The following AMPH variants were observed in gnomAD, a reference collection of about 807,000 sequenced individuals.
The protein encoded by AMPH is amphiphysin, also known as amphiphysin (Stiff-Mann syndrome with breast cancer 128kD autoantigen).
Under a neutral mutation model 99.1 loss-of-function variants are expected in AMPH, and 49 were observed. The observed-to-expected ratio is 0.49, with a 90% CI of 0.39 to 0.63. The LOEUF (loss-of-function observed/expected upper bound fraction) is 0.63, where lower values mean the gene tolerates loss of function less well. AMPH is among the 20% of genes least tolerant of loss of function. The probability of loss-of-function intolerance (pLI) is 0.00; values close to 1 mark genes in which losing one functional copy is unlikely to be tolerated. For synonymous variants in AMPH, 314 were observed against 317.3 expected (o/e 0.99, Z 0.11); for missense variants, 759 against 863.4 (o/e 0.88, Z 1.52).
At chr7:38,456,246 A>G (rs1787227359) in intron 11 of AMPH, among the ~76,000 whole-genome samples, 1 of 152,150 alleles carries the variant, frequency 6.6e-6, no homozygotes, top group African/African-American at 2.4e-5. Context: ...CGTGTCCCAC[A>G]GCTACCTCCC....
At chr7:38,499,505 G>A (rs1045598367) in intron 3 of AMPH, among the ~76,000 whole-genome samples, 2 of 152,138 alleles carry the variant, frequency 1.3e-5, no homozygotes, top group African/African-American at 4.8e-5. Flanking sequence ...TTTAATAGAT[G>A]AGGAACCCAA....
In AMPH at chr7:38,571,161, AT is replaced by A. The variant is rs1171239030; in HGVS notation, c.70-36151del. ...TTTTTATATATTTATGAATATATAT[AT>A]TTTTATATATTTTTATATATGAATA... On this transcript the variant is annotated intron_variant, in intron 1 of 20. Transcript: ENST00000356264. 1.0e-4 allele frequency among the ~76,000 whole-genome samples: 9 copies of A among 90,054 alleles called. 1 individual carries two copies. The highest frequency in any genetic ancestry group is 3.0e-4 in the East Asian group (1 of 3,364). 59.1% of individuals were successfully genotyped at this position (90,054 alleles called of 152,430 possible).
chr7:38,403,077 C>A (rs1457944715), intron 17 of AMPH, among the ~76,000 whole-genome samples: 1 of 151,952 alleles, frequency 6.6e-6, no homozygotes, highest in East Asian at 1.9e-4. Context: ...TCCAAGATGG[C>A]TGACTGGAGA....
chr7:38,466,782 A>G (rs549345207), intron 7 of AMPH, among the ~76,000 whole-genome samples: 8 of 152,188 alleles, frequency 5.3e-5, no homozygotes, highest in Non-Finnish European at 8.8e-5. Context: ...ATAGAAGGAA[A>G]TACAAAACCC....
intron 16 of AMPH, among the ~76,000 whole-genome samples, chr7:38,418,684 T>A (rs1785478625): frequency 6.6e-6 from 1 of 152,178 alleles, no homozygotes; most frequent in Non-Finnish European, 1.5e-5. Flanking sequence ...AAATCCTTAG[T>A]AATGCATTTA....
At chr7:38,622,176 T>C (rs1287446122) in intron 1 of AMPH, among the ~76,000 whole-genome samples, 1 of 152,190 alleles carries the variant, frequency 6.6e-6, no homozygotes, top group Non-Finnish European at 1.5e-5. Context: ...CTTTTGTCCC[T>C]TTTACAGGAG....
intron 1 of AMPH, among the ~76,000 whole-genome samples, chr7:38,546,037 G>T (rs1468590432): frequency 6.6e-6 from 1 of 152,160 alleles, no homozygotes; most frequent in Non-Finnish European, 1.5e-5. Flanking sequence ...GTTGAAGGCT[G>T]GACACAGTAT....
At chr7:38,470,922 G>A (rs899321084) in intron 7 of AMPH, among the ~76,000 whole-genome samples, 28 of 151,820 alleles carry the variant, frequency 1.8e-4, no homozygotes, top group Admixed American at 5.9e-4. Flanking sequence ...CTAAATTATC[G>A]TTTTTTAAAA....
intron 1 of AMPH, among the ~76,000 whole-genome samples, chr7:38,573,640 C>A (rs1374142399): frequency 1.3e-5 from 2 of 152,234 alleles, no homozygotes; most frequent in African/African-American, 4.8e-5. Context: ...TCAAATCTAT[C>A]AGCCCTCTGT....
At chr7:38,571,906 AT>A (rs1010095733) in intron 1 of AMPH, among the ~76,000 whole-genome samples, 6 of 81,970 alleles carry the variant, frequency 7.3e-5, no homozygotes, top group Admixed American at 1.3e-4. Context: ...ATACACGTTT[AT>A]CTTTTTTTTT....
intron 17 of AMPH, among the ~76,000 whole-genome samples, chr7:38,410,329 G>A (rs1368781651): frequency 1.3e-5 from 2 of 152,172 alleles, no homozygotes; most frequent in Non-Finnish European, 2.9e-5. Context: ...ACCCTGTCAA[G>A]CACGACATAT....
intron 7 of AMPH, among the ~76,000 whole-genome samples, chr7:38,473,320 C>A (rs1341863680): frequency 6.6e-6 from 1 of 152,116 alleles, no homozygotes; most frequent in Non-Finnish European, 1.5e-5. Flanking sequence ...TGATGATAAG[C>A]TCTGGAGAAC....
At chr7:38,398,017 C>T (rs1314918954) in intron 17 of AMPH, among the ~76,000 whole-genome samples, 1 of 148,954 alleles carries the variant, frequency 6.7e-6, no homozygotes, top group Non-Finnish European at 1.5e-5. Context: ...CAAATGCTGG[C>T]GAGGAAGTAG....
intron 3 of AMPH, 146 bp downstream of exon 3, chr7:38,503,504 G>GGC (rs1554348778): frequency 0.033 from 17,004 of 511,698 alleles, 477 homozygotes; most frequent in South Asian, 0.052. Flanking sequence ...GCGGGGGGGT[G>GGC]GGTGGTGGAA....
At chr7:38,435,193 A>T (rs1786214430) in intron 12 of AMPH, among the ~76,000 whole-genome samples, 1 of 152,188 alleles carries the variant, frequency 6.6e-6, no homozygotes, top group Non-Finnish European at 1.5e-5. Flanking sequence ...TAGACTATTA[A>T]TTTCTTACTT....
chr7:38,465,358 G>A, intron 9 of AMPH, 109 bp downstream of exon 9: 2 of 894,848 alleles, frequency 2.2e-6, no homozygotes, highest in East Asian at 2.9e-5. Context: ...GGGTGAAAAG[G>A]CTCCTGTGGG....
intron 1 of AMPH, among the ~76,000 whole-genome samples, chr7:38,614,431 A>G (rs1793799548): frequency 6.6e-6 from 1 of 152,226 alleles, no homozygotes; most frequent in African/African-American, 2.4e-5. Context: ...AGTGGAAATC[A>G]GAATTCTTGG....
At chr7:38,525,061 A>G (rs1002073850) in intron 2 of AMPH, among the ~76,000 whole-genome samples, 3 of 151,956 alleles carry the variant, frequency 2.0e-5, no homozygotes, top group Admixed American at 6.6e-5. Context: ...AGGTAAGCCT[A>G]TGAAAGGGGA....
intron 11 of AMPH, among the ~76,000 whole-genome samples, chr7:38,455,912 G>A (rs1346558569): frequency 1.3e-5 from 2 of 152,198 alleles, no homozygotes; most frequent in African/African-American, 2.4e-5. Flanking sequence ...GCACTTTCAT[G>A]TACTGCTAGG....
Sources: gnomAD v4.1 joint callset for allele counts (sites outside exome capture counted in the v4.1 genomes callset) on GRCh38, gnomAD v4.1.1 for gene constraint, MANE v1.5 for transcripts, NCBI Gene and HGNC (gene_info 2026-07-23, HGNC 2026-07-21) for gene names.